The following UBQLN1 variants were observed in gnomAD, a reference collection of about 807,000 sequenced individuals.
UBQLN1 encodes the protein ubiquilin 1.
UBQLN1 carries 13 observed loss-of-function variants against 65.4 expected under a neutral mutation model. The observed-to-expected ratio is 0.20, with a 90% confidence interval of 0.13 to 0.32. The LOEUF (loss-of-function observed/expected upper bound fraction) is 0.32. Ranked by LOEUF, UBQLN1 falls within the 10% of genes least tolerant of loss-of-function variation. UBQLN1 has a pLI of 1.00. For synonymous variants in UBQLN1, 267 were observed against 247.8 expected (o/e 1.08, Z -0.73); for missense variants, 561 against 724.0 (o/e 0.77, Z 2.58).
chr9:83,676,867 G>T (rs1022970681), intron 6 of UBQLN1, among the ~76,000 whole-genome samples: 8 of 152,112 alleles, frequency 5.3e-5, no homozygotes, highest in Non-Finnish European at 1.2e-4. Flanking sequence ...TAATGATCTT[G>T]GACCTAATTC....
At chr9:83,698,122 C>CT (rs1433396694) in intron 1 of UBQLN1, among the ~76,000 whole-genome samples, 4 of 152,226 alleles carry the variant, frequency 2.6e-5, no homozygotes, top group Middle Eastern at 3.4e-3. Context: ...ATGCATCATG[C>CT]CTTATAAATC....
intron 6 of UBQLN1, among the ~76,000 whole-genome samples, chr9:83,671,084 A>C (rs1387403590): frequency 6.6e-6 from 1 of 152,054 alleles, no homozygotes; most frequent in Non-Finnish European, 1.5e-5. Context: ...TCCTGCCCGA[A>C]CCTTCCAAAG....
chr9:83,689,212 A>T (rs6559737), intron 1 of UBQLN1, among the ~76,000 whole-genome samples: 107,057 of 152,126 alleles, frequency 0.7, 38,540 homozygotes, highest in East Asian at 0.88. Flanking sequence ...TGGCATGTTT[A>T]CAAGATTCAC....
At chr9:83,672,191 T>C (rs1424533413) in intron 6 of UBQLN1, among the ~76,000 whole-genome samples, 1 of 152,246 alleles carries the variant, frequency 6.6e-6, no homozygotes, top group African/African-American at 2.4e-5. Context: ...TGATCGTCTA[T>C]CCAGATCACT....
At chr9:83,703,450 T>C (rs965584036) in intron 1 of UBQLN1, among the ~76,000 whole-genome samples, 1 of 152,158 alleles carries the variant, frequency 6.6e-6, no homozygotes, top group African/African-American at 2.4e-5. Context: ...ACATGAAATA[T>C]AACTGAATTT....
chr9:83,687,263 G>C (rs1383184539), intron 1 of UBQLN1, among the ~76,000 whole-genome samples: 2 of 152,306 alleles, frequency 1.3e-5, no homozygotes, highest in Middle Eastern at 3.4e-3. Context: ...CCAGGGACCA[G>C]ACACATAAAA....
chr9:83,677,902 T>G lies in UBQLN1; in HGVS notation c.930A>C (p.Gln310His). ...VSNTSSGEGS[Q>H]PSRTENRDPL... ...GATCTCTATTTTCTGTACGGGAAGG[T>G]TGACTACCTTCACCAGAGGATGTAT... is the stretch of plus-strand genomic sequence containing the variant. Residue 310 changes from glutamine (Q) to histidine (H), a missense_variant, in exon 6 of 11, where the codon CAA becomes CAC. Gln to His is a conservative substitution (Grantham distance 24, BLOSUM62 0). Around this residue, in one of 8 missense-constraint regions of UBQLN1, gnomAD observed 89 missense variants for 77.8 expected, o/e 1.14. Transcript: ENST00000376395. 6.2e-7 allele frequency: 1 copy of G among 1,614,168 alleles called. No individual in the cohort carries two copies. The highest frequency in any genetic ancestry group is 8.5e-7 in the Non-Finnish European group (1 of 1,180,026).
chr9:83,678,367 A>G, intron 5 of UBQLN1, 74 bp downstream of exon 5: 12 of 1,488,918 alleles, frequency 8.1e-6, no homozygotes, highest in Non-Finnish European at 1.1e-5. Flanking sequence ...TATAAAAGCT[A>G]CCCTCAATCA....
intron 6 of UBQLN1, among the ~76,000 whole-genome samples, chr9:83,671,642 C>T (rs1022797677): frequency 1.3e-5 from 2 of 152,100 alleles, no homozygotes; most frequent in African/African-American, 4.8e-5. Context: ...ATGCTGTAAA[C>T]AGATGTGCTG....
chr9:83,707,767 G>T lies in UBQLN1; in HGVS notation c.-88C>A, dbSNP rs1832443055. The T allele has an allele frequency of 2.1e-6, 3 of 1,448,480 alleles. No individual in the cohort carries two copies. Among genetic ancestry groups the T allele is most frequent in the African/African-American group, 1.5e-5 (1 of 67,312 alleles). 89.7% of individuals were successfully genotyped at this position (1,448,480 alleles called of 1,614,324 possible). ...AGCCAGCAGACACCAGAGCCGGCAG[G>T]CCTGGACAGCGAAGAATGCAGAGCA... On this transcript the variant is annotated 5_prime_UTR_variant, in exon 1 of 11. Coordinates refer to ENST00000376395, the MANE Select transcript of UBQLN1 (RefSeq NM_013438.5).
In UBQLN1 at chr9:83,669,146, C is replaced by A. The variant is rs927724899; in HGVS notation, c.1248+39G>T. On this transcript the variant is annotated intron_variant, in intron 7 of 10. Transcript: ENST00000376395. ...ATTACAAGATTAGGTTATTTTAATT[C>A]ACACTGCACAGTCTTTTTCAATACA... 77 of 1,574,168 alleles carry A rather than the reference C, an allele frequency of 4.9e-5. 3 individuals carry two copies. The highest frequency in any genetic ancestry group is 1.7e-6 in the Non-Finnish European group (2 of 1,169,508).
intron 1 of UBQLN1, 127 bp downstream of exon 1, chr9:83,707,373 T>A (rs1587669305): frequency 9.4e-7 from 1 of 1,068,838 alleles, no homozygotes; most frequent in Admixed American, 3.0e-5. Flanking sequence ...TGATCTAATT[T>A]GGGACGACGC....
rs560461927 is a variant in UBQLN1, at chr9:83,668,608, C to T, written c.1248+577G>A. The T allele has an allele frequency of 1.2e-4, 123 of 985,472 alleles. 1 individual carries two copies. The African/African-American group carries it at 1.3e-3, about 10-fold the overall frequency. The allele number at this position is 985,472 out of a possible 1,614,324, so 61.0% of individuals were successfully genotyped here. ...CTGAGTGTTCAGCCAGCATTAAGATCCCCAATTTTCTTAGCTGTGGTCTCT... is the reference window on the plus strand; with the variant it reads ...CTGAGTGTTCAGCCAGCATTAAGATTCCCAATTTTCTTAGCTGTGGTCTCT... On this transcript the variant is annotated intron_variant, in intron 7 of 10. Coordinates refer to ENST00000376395, the MANE Select transcript of UBQLN1 (RefSeq NM_013438.5).
intron 1 of UBQLN1, among the ~76,000 whole-genome samples, chr9:83,694,188 T>C (rs915468051): frequency 8.5e-5 from 13 of 152,208 alleles, no homozygotes; most frequent in African/African-American, 3.1e-4. Flanking sequence ...AAAATTTACT[T>C]CAGCTCTGAA....
rs772620583 is a variant in UBQLN1, at chr9:83,682,944, C to T, written c.448+7G>A. ...CCATCCCTACTGGAATGACTAAAGA[C>T]ACTTACCTAAACCAAAAGGGTTGCT... On this transcript the variant is annotated splice_region_variant and intron_variant, in intron 3 of 10. Coordinates refer to ENST00000376395, the MANE Select transcript of UBQLN1 (RefSeq NM_013438.5). The T allele has an allele frequency of 7.0e-6, 11 of 1,571,908 alleles. No homozygotes were observed. Among genetic ancestry groups the T allele is most frequent in the Non-Finnish European group, 9.6e-6 (11 of 1,145,422 alleles).
chr9:83,673,263 G>A (rs1030275642), intron 6 of UBQLN1, among the ~76,000 whole-genome samples: 2 of 150,994 alleles, frequency 1.3e-5, no homozygotes, highest in South Asian at 4.2e-4. Flanking sequence ...TTTTGGTCGG[G>A]TGCAGTGACT....
intron 6 of UBQLN1, among the ~76,000 whole-genome samples, chr9:83,676,598 A>C (rs948998501): frequency 2.0e-5 from 3 of 152,220 alleles, no homozygotes; most frequent in African/African-American, 7.2e-5. Flanking sequence ...TATAAACATA[A>C]ATCTCAAGAT....
At chr9:83,691,969 G>T (rs980307633) in intron 1 of UBQLN1, among the ~76,000 whole-genome samples, 1 of 152,106 alleles carries the variant, frequency 6.6e-6, no homozygotes, top group Non-Finnish European at 1.5e-5. Context: ...AACCACCAAT[G>T]TCACCTAATT....
intron 10 of UBQLN1, among the ~76,000 whole-genome samples, chr9:83,662,740 T>C (rs1300751900): frequency 1.3e-5 from 2 of 152,212 alleles, no homozygotes; most frequent in Admixed American, 6.5e-5. Context: ...AATACAGATA[T>C]GTATGAGACA....
Sources: gnomAD v4.1 joint callset for allele counts (sites outside exome capture counted in the v4.1 genomes callset) on GRCh38, gnomAD v4.1.1 for gene constraint, gnomAD v4.1.1 regional missense constraint, MANE v1.5 for transcripts, NCBI Gene and HGNC (gene_info 2026-07-23, HGNC 2026-07-21) for gene names.